The following GPR89B variants were observed in gnomAD, a reference collection of about 807,000 sequenced individuals.
GPR89B encodes the protein golgi pH regulator B, also known as G protein-coupled receptor 89B.
A neutral mutation model predicts 52.4 loss-of-function variants in GPR89B; 25 were observed. The ratio of observed to expected loss-of-function variants is 0.48; its 90% CI spans 0.35 to 0.67. GPR89B has a LOEUF of 0.67. GPR89B is among the 30% of genes least tolerant of loss of function. The pLI is 0.01. For synonymous variants in GPR89B, 52 were observed against 151.2 expected (o/e 0.34, Z 4.81); for missense variants, 146 against 450.2 (o/e 0.32, Z 6.11).
chr1:147,954,598 A>G (rs1373653768), intron 7 of GPR89B, among the ~76,000 whole-genome samples, 196 bp downstream of exon 7: 2 of 151,990 alleles, frequency 1.3e-5, no homozygotes, highest in Non-Finnish European at 2.9e-5. Flanking sequence ...CGGGGGGATC[A>G]TTTGAGCCCA....
intron 7 of GPR89B, among the ~76,000 whole-genome samples, chr1:147,962,383 C>T (rs1656646417): frequency 6.7e-6 from 1 of 150,032 alleles, no homozygotes; most frequent in African/African-American, 2.5e-5. Flanking sequence ...GAGATTGCTC[C>T]GCTGCCCTCC....
chr1:147,949,758 G>A (rs1176381163), intron 5 of GPR89B, among the ~76,000 whole-genome samples: 8 of 140,702 alleles, frequency 5.7e-5, no homozygotes, highest in South Asian at 2.2e-4. Flanking sequence ...GGGCAGAGGC[G>A]CCCCTCACCT....
At position 147,958,722 on chromosome 1, in the gene GPR89B, A is replaced by G. The variant is rs1280303952; in HGVS notation, c.617+4320A>G. The stretch of plus-strand genomic sequence containing the variant: ...CATTTCATACTAATAGTGCTAAGGA[A>G]TTGACTCTGATCTGTACATACTATA... On this transcript the variant is annotated intron_variant, in intron 7 of 13. Transcript: ENST00000314163. Among the ~76,000 whole-genome samples, 3 of 151,970 alleles carry G rather than the reference A, an allele frequency of 2.0e-5. No individual in the cohort carries two copies. The East Asian group carries it at 5.8e-4, about 29-fold the overall frequency.
At chr1:148,017,290 C>T in the GPR89B span, among the ~76,000 whole-genome samples, 129 of 151,432 alleles carry the variant, frequency 8.5e-4, no homozygotes, top group Middle Eastern at 3.4e-3. Context: ...GATCTGCCCC[C>T]CTCAGCCTCC....
intron 1 of GPR89B, among the ~76,000 whole-genome samples, chr1:147,933,319 T>G (rs1280953429): frequency 6.6e-6 from 1 of 152,126 alleles, no homozygotes; most frequent in African/African-American, 2.4e-5. Flanking sequence ...TGCTACACTC[T>G]GGTTCCTGCC....
chr1:147,967,986 A>AT (rs1246247572), intron 8 of GPR89B: 1 of 317,148 alleles, frequency 3.2e-6, no homozygotes, highest in African/African-American at 2.2e-5. Flanking sequence ...GCACTTACTG[A>AT]TTTGGGTAAT....
chr1:147,981,328 CAT>C (rs1412671024), intron 10 of GPR89B, among the ~76,000 whole-genome samples: 67 of 150,848 alleles, frequency 4.4e-4, no homozygotes, highest in South Asian at 1.5e-3. Flanking sequence ...GACACACACA[CAT>C]ACACACACAC....
intron 7 of GPR89B, among the ~76,000 whole-genome samples, chr1:147,964,344 T>G (rs1656875795): frequency 6.6e-6 from 1 of 152,034 alleles, no homozygotes; most frequent in African/African-American, 2.4e-5. Context: ...TAGCTTCTTC[T>G]GTTGTACACT....
chr1:147,928,622 A>G (rs782786935), intron 1 of GPR89B, 44 bp downstream of exon 1: 3 of 1,612,566 alleles, frequency 1.9e-6, no homozygotes, highest in Admixed American at 1.7e-5. Flanking sequence ...GCCTCCCTTC[A>G]CCGAATCGCC....
At chr1:147,957,880 C>T (rs1416810289) in intron 7 of GPR89B, among the ~76,000 whole-genome samples, 13,844 of 151,752 alleles carry the variant, frequency 0.091, 896 homozygotes, top group Non-Finnish European at 0.14. Context: ...CTGGCTAATA[C>T]GGTGAAACCC....
intron 10 of GPR89B, among the ~76,000 whole-genome samples, chr1:147,970,537 CTCTA>C (rs1489269669): frequency 1.4e-3 from 186 of 129,782 alleles, no homozygotes; most frequent in Middle Eastern, 3.7e-3. Flanking sequence ...CTCTCTCTAT[CTCTA>C]TCTCTCTCTC....
chr1:147,995,214 G>C (rs1264827989), downstream of GPR89B, among the ~76,000 whole-genome samples: 1 of 150,104 alleles, frequency 6.7e-6, no homozygotes, highest in African/African-American at 2.5e-5. Flanking sequence ...AATTATTCCT[G>C]TTTTATGGGT....
At chr1:148,021,057 C>T in the GPR89B span, among the ~76,000 whole-genome samples, 7 of 151,838 alleles carry the variant, frequency 4.6e-5, no homozygotes. Context: ...TTGGTCTCTG[C>T]GTTTCTACGT....
chr1:147,949,281 C>T (rs1265223473), intron 5 of GPR89B, among the ~76,000 whole-genome samples: 3 of 151,764 alleles, frequency 2.0e-5, no homozygotes, highest in Non-Finnish European at 2.9e-5. Context: ...TTGGGTACAC[C>T]TCCCAGACAG....
intron 10 of GPR89B, among the ~76,000 whole-genome samples, chr1:147,970,271 A>T (rs1282496890): frequency 6.6e-6 from 1 of 151,980 alleles, no homozygotes; most frequent in East Asian, 1.9e-4. Flanking sequence ...CAAGGCAGGC[A>T]TATCACCTGA....
chr1:148,015,452 T>C, the GPR89B span, among the ~76,000 whole-genome samples: 1 of 147,720 alleles, frequency 6.8e-6, no homozygotes. Context: ...GTAGCTGGGA[T>C]TATAGGCACG....
chr1:147,954,832 T>G (rs2149060948), intron 7 of GPR89B, among the ~76,000 whole-genome samples: 1 of 152,212 alleles, frequency 6.6e-6, no homozygotes, highest in South Asian at 2.1e-4. Context: ...TATATATTTG[T>G]GGCATACAAA....
intron 5 of GPR89B, among the ~76,000 whole-genome samples, chr1:147,950,570 G>A (rs587768558): frequency 1.3e-5 from 2 of 152,336 alleles, no homozygotes; most frequent in East Asian, 3.9e-4. Context: ...ACTTTGGGAG[G>A]CCAAGGCAGG....
chr1:148,014,209 G>A, the GPR89B span, among the ~76,000 whole-genome samples: 1 of 151,516 alleles, frequency 6.6e-6, no homozygotes, highest in African/African-American at 2.4e-5. Flanking sequence ...GAGTTGGGGA[G>A]TCGTGTGCAG....
Sources: allele counts gnomAD v4.1 joint callset (sites outside exome capture counted in the v4.1 genomes callset), GRCh38; gene constraint gnomAD v4.1.1; transcripts MANE v1.5; gene names NCBI Gene and HGNC (gene_info 2026-07-23, HGNC 2026-07-21).